JMJD1C: variants seen among roughly 807,000 people sequenced by gnomAD.
JMJD1C encodes jumonji domain-containing protein 1C.
JMJD1C carries 31 observed loss-of-function variants against 245.3 expected under a neutral mutation model. The observed-to-expected ratio is 0.13, with a 90% CI of 0.09 to 0.17. The LOEUF (loss-of-function observed/expected upper bound fraction) is 0.17, where lower values mean the gene tolerates loss of function less well. Among genes scored for constraint, JMJD1C ranks in the 10% least tolerant of loss-of-function variants. The pLI is 1.00. For synonymous variants in JMJD1C, 1,057 were observed against 1,017.4 expected, an observed-to-expected ratio of 1.04 and a Z score of -0.74; for missense variants, 2,691 against 3,000.2, an observed-to-expected ratio of 0.90 and a Z score of 2.41.
intron 1 of JMJD1C, among the ~76,000 whole-genome samples, chr10:63,500,185 G>T (rs547636623): frequency 6.6e-6 from 1 of 152,324 alleles, no homozygotes; most frequent in South Asian, 2.1e-4. Context: ...ACTGTGGGAG[G>T]CCGAGGCGGG....
rs769562971 is a variant in JMJD1C at position 63,217,193 on chromosome 10, G to C, written c.678+14C>G. On this transcript the variant is annotated intron_variant, in intron 5 of 25. Coordinates refer to ENST00000399262, the MANE Select transcript of JMJD1C (RefSeq NM_032776.3). ...TTTTAAAATCTCTATAAAAATATTAGTGGAACTATTTACCTGATCATTCAT... is the reference window on the plus strand; with the variant it reads ...TTTTAAAATCTCTATAAAAATATTACTGGAACTATTTACCTGATCATTCAT... The C allele has an allele frequency of 3.8e-6, 6 of 1,596,138 alleles. No individual in the cohort carries two copies. Among genetic ancestry groups the C allele is most frequent in the Admixed American group, 1.8e-5 (1 of 55,508 alleles).
Position 63,465,741 on chromosome 10 carries a change from G to C in JMJD1C, c.-79C>G, listed in dbSNP as rs1356343835. The C allele has an allele frequency of 1.3e-6, 2 of 1,508,816 alleles. No homozygotes were observed. Among genetic ancestry groups the C allele is most frequent in the Non-Finnish European group, 1.8e-6 (2 of 1,103,402 alleles). The allele number at this position is 1,508,816 out of a possible 1,614,324, so 93.5% of individuals were successfully genotyped here. A position where few individuals can be genotyped will look rare whatever the true frequency, so the allele number is the denominator to read the frequency against. On this transcript the variant is annotated 5_prime_UTR_variant, in exon 1 of 26. Coordinates refer to ENST00000399262, the MANE Select transcript of JMJD1C (RefSeq NM_032776.3). ...AACCTCACTCCTACCGGCCGCTCAT[G>C]CTGAGGAGAGCGGACCGGGACACAG...
intron 1 of JMJD1C, among the ~76,000 whole-genome samples, chr10:63,497,127 G>A (rs145946885): frequency 6.6e-6 from 1 of 151,934 alleles, no homozygotes; most frequent in East Asian, 1.9e-4. Context: ...TCCAAAAGTA[G>A]CACCCAACTT....
chr10:63,193,551 G>A (rs4747098), intron 14 of JMJD1C, 79 bp from the exon 15 acceptor site: 959,855 of 963,466 alleles, frequency 1, 478,224 homozygotes, highest in East Asian at 1. Flanking sequence ...ACAATATTTT[G>A]TATTATAATT....
intron 1 of JMJD1C, among the ~76,000 whole-genome samples, chr10:63,489,983 C>G (rs1223830074): frequency 1.3e-5 from 2 of 152,224 alleles, no homozygotes; most frequent in Non-Finnish European, 2.9e-5. Flanking sequence ...TAGATTCTCA[C>G]AGGAGGACAC....
At chr10:63,338,023 A>G (rs992618131) in intron 2 of JMJD1C, among the ~76,000 whole-genome samples, 2 of 152,220 alleles carry the variant, frequency 1.3e-5, no homozygotes, top group African/African-American at 4.8e-5. Context: ...AGTAAAACCC[A>G]TGTCAGCTGA....
chr10:63,491,858 TA>T (rs1954188936), intron 1 of JMJD1C, among the ~76,000 whole-genome samples: 1 of 152,212 alleles, frequency 6.6e-6, no homozygotes, highest in Non-Finnish European at 1.5e-5. Context: ...ACAACACTTC[TA>T]GTGGAGTCCC....
At chr10:63,201,421 C>A (rs1845985139) in intron 10 of JMJD1C, among the ~76,000 whole-genome samples, 1 of 151,978 alleles carries the variant, frequency 6.6e-6, no homozygotes, top group African/African-American at 2.4e-5. Context: ...AAGGACAAAA[C>A]TCTAATGCAT....
intron 5 of JMJD1C, among the ~76,000 whole-genome samples, chr10:63,216,292 T>C (rs1564626727): frequency 6.6e-6 from 1 of 152,122 alleles, no homozygotes; most frequent in Non-Finnish European, 1.5e-5. Context: ...ATCTCCACAA[T>C]ACAATCAGGC....
chr10:63,302,747 A>G (rs1006466296), intron 2 of JMJD1C, among the ~76,000 whole-genome samples: 1 of 152,236 alleles, frequency 6.6e-6, no homozygotes, highest in Non-Finnish European at 1.5e-5. Flanking sequence ...AGCTGGACTT[A>G]GTAATGAGGC....
At chr10:63,426,924 C>G (rs1352616292) in intron 1 of JMJD1C, among the ~76,000 whole-genome samples, 1 of 152,180 alleles carries the variant, frequency 6.6e-6, no homozygotes, top group Non-Finnish European at 1.5e-5. Context: ...ACTTTATCAT[C>G]AAGTATAAAA....
At chr10:63,231,611 T>C (rs1161056542) in intron 3 of JMJD1C, among the ~76,000 whole-genome samples, 1 of 152,004 alleles carries the variant, frequency 6.6e-6, no homozygotes, top group Non-Finnish European at 1.5e-5. Flanking sequence ...CTGAGCAACA[T>C]GGTGAAACTC....
rs981423453 is a variant in JMJD1C, at chr10:63,173,531, G to A, written c.7401+2766C>T. Among the ~76,000 whole-genome samples, 2 of 152,152 alleles carry A rather than the reference G, an allele frequency of 1.3e-5. 1 individual carries two copies. The highest frequency in any genetic ancestry group is 4.1e-4 in the South Asian group (2 of 4,830). On this transcript the variant is annotated intron_variant, in intron 24 of 25. Transcript: ENST00000399262. ...GAGCTTAGGAGTTCGAGACCAGCCT[G>A]AGCAACACAGCAAGACCCCATCTCC...
intron 3 of JMJD1C, among the ~76,000 whole-genome samples, chr10:63,247,102 C>CAAAAAAAAAAAAAAAAAAAAAA (rs200646094): frequency 1.6e-5 from 1 of 60,866 alleles, no homozygotes; most frequent in Non-Finnish European, 4.8e-5. Flanking sequence ...TAAACTGAGA[C>CAAAAAAAAAAAAAAAAAAAAAA]AAAAAAAACA....
At chr10:63,360,566 G>A (rs1945239241) in intron 2 of JMJD1C, among the ~76,000 whole-genome samples, 1 of 151,968 alleles carries the variant, frequency 6.6e-6, no homozygotes, top group Non-Finnish European at 1.5e-5. Flanking sequence ...TTGACAATAG[G>A]TATGTTTAAT....
chr10:63,424,729 A>C lies in JMJD1C; in HGVS notation c.168+40766T>G, dbSNP rs140709693. Reference sequence around the variant, plus strand: ...TCATTCAGACCTGAACATCATGATAAAAGGTATTACAATTTCTTGAGAAAA... The same window carrying C: ...TCATTCAGACCTGAACATCATGATACAAGGTATTACAATTTCTTGAGAAAA... On this transcript the variant is annotated intron_variant, in intron 1 of 25. Coordinates refer to ENST00000399262, the MANE Select transcript of JMJD1C (RefSeq NM_032776.3). Among the ~76,000 whole-genome samples the C allele has an allele frequency of 2.2e-3, 335 of 152,224 alleles. 5 individuals are homozygous for C. The highest frequency in any genetic ancestry group is 0.021 in the Admixed American group (317 of 15,284).
intron 2 of JMJD1C, among the ~76,000 whole-genome samples, chr10:63,322,673 C>T (rs965844499): frequency 7.3e-5 from 11 of 151,354 alleles, no homozygotes; most frequent in African/African-American, 1.9e-4. Context: ...ATTAGTGGCG[C>T]GCTCCTGTAG....
chr10:63,208,266 T>C lies in JMJD1C; in HGVS notation c.3403A>G (p.Thr1135Ala). 6.2e-7 allele frequency: 1 copy of C among 1,613,962 alleles called. No individual in the cohort carries two copies. Among genetic ancestry groups the C allele is most frequent in the South Asian group, 1.1e-5 (1 of 91,060 alleles). The change falls in exon 10 of 26, where the codon ACT becomes GCT. Residue 1135 changes from threonine to alanine, a missense_variant. Physicochemically the swap from Thr to Ala is moderately conservative, Grantham distance 58. Coordinates refer to ENST00000399262, the MANE Select transcript of JMJD1C (RefSeq NM_032776.3). ...ALAAAAANPQTLTSFITSLSK... is the reference protein window; with the variant it reads ...ALAAAAANPQALTSFITSLSK... ...AGAGATGTTATAAATGAAGTCAGAG[T>C]TTGAGGATTAGCTGCTGCCGCTGCA...
At position 63,281,642 on chromosome 10, in the gene JMJD1C, T is replaced by C. The variant is rs915788150; in HGVS notation, c.334-16878A>G. Among the ~76,000 whole-genome samples, 95 of 151,486 alleles carry C rather than the reference T, an allele frequency of 6.3e-4. 1 individual carries two copies. Among genetic ancestry groups the C allele is most frequent in the Non-Finnish European group, 2.1e-4 (14 of 67,930 alleles). On this transcript the variant is annotated intron_variant, in intron 2 of 25. Transcript: ENST00000399262. ...CATGCCACCACACTTGGCTAACTTT[T>C]TGTATTTTTAGTAGACATGGAGTTT...
Sources: allele counts gnomAD v4.1 joint callset (sites outside exome capture counted in the v4.1 genomes callset), GRCh38; gene constraint gnomAD v4.1.1; transcripts MANE v1.5; gene names NCBI Gene and HGNC (gene_info 2026-07-23, HGNC 2026-07-21).